DSC3: variants seen among roughly 807,000 people sequenced by gnomAD.
The protein encoded by DSC3 is desmocollin 3.
Under a neutral mutation model 89.5 loss-of-function variants are expected in DSC3, and 97 were observed. The ratio of observed to expected loss-of-function variants is 1.08; its 90% CI spans 0.92 to 1.28. The LOEUF is 1.28. Ranked by LOEUF, DSC3 falls within the 50% of genes most tolerant of loss-of-function variation. The pLI is 0.00. For synonymous variants in DSC3, 436 were observed against 384.1 expected (o/e 1.14, Z -1.58); for missense variants, 1,199 against 1,085.3 (o/e 1.10, Z -1.47).
Position 31,025,920 on chromosome 18 carries a change from A to C in DSC3, c.475-5T>G. The C allele has an allele frequency of 6.2e-7, 1 of 1,610,278 alleles. No homozygotes were observed. The highest frequency in any genetic ancestry group is 8.5e-7 in the Non-Finnish European group (1 of 1,178,318). ...CTGTGCTGCATCAGATTCAACCTAA[A>C]AGTAGAAAAAAAATATGCAAAAAAA... is the stretch of plus-strand genomic sequence containing the variant. On this transcript the variant is annotated splice_region_variant and splice_polypyrimidine_tract_variant and intron_variant, in intron 4 of 15. Transcript: ENST00000360428.
chr18:31,036,766 T>C (rs940174934), intron 1 of DSC3, among the ~76,000 whole-genome samples: 3 of 151,680 alleles, frequency 2.0e-5, no homozygotes, highest in African/African-American at 7.3e-5. Context: ...CACTTACTTA[T>C]GAATTATATT....
At chr18:31,024,533 C>G (rs754000724) in intron 5 of DSC3, 40 bp from the exon 6 acceptor site, 2 of 1,600,274 alleles carry the variant, frequency 1.2e-6, no homozygotes, top group African/African-American at 2.7e-5. Context: ...AATATCAGAT[C>G]CCGGCAAGAC....
intron 1 of DSC3, among the ~76,000 whole-genome samples, chr18:31,036,273 G>C (rs1270607347): frequency 6.6e-6 from 1 of 152,018 alleles, no homozygotes; most frequent in African/African-American, 2.4e-5. Context: ...CCTAATGGCT[G>C]TTTTAATTTG....
chr18:30,992,501 T>A lies in DSC3; in HGVS notation c.*1674A>T, dbSNP rs1984301422. ...TCCCTCACCGGACTCAAATGGCAGT[T>A]GCCATTGGCCTGAGAAAGGAAAAGG... is the stretch of plus-strand genomic sequence containing the variant. On this transcript the variant is annotated 3_prime_UTR_variant, in exon 16 of 16. Coordinates refer to ENST00000360428, the MANE Select transcript of DSC3 (RefSeq NM_001941.5). 1 of 152,228 alleles carries A rather than the reference T, an allele frequency of 6.6e-6. No individual in the cohort carries two copies. The highest frequency in any genetic ancestry group is 1.5e-5 in the Non-Finnish European group (1 of 68,044). 9.4% of individuals were successfully genotyped at this position (152,228 alleles called of 1,614,324 possible).
chr18:31,001,745 T>C lies in DSC3; in HGVS notation c.2114-6A>G, dbSNP rs1984671378. ...TACTAAAGTTAGCAATACAGCTGAA[T>C]TTAAAAATAAAAATAAAATAACTTA... On this transcript the variant is annotated splice_polypyrimidine_tract_variant and splice_region_variant and intron_variant, in intron 13 of 15. Coordinates refer to ENST00000360428, the MANE Select transcript of DSC3 (RefSeq NM_001941.5). 4 of 1,579,464 alleles carry C rather than the reference T, an allele frequency of 2.5e-6. No individual in the cohort carries two copies. The South Asian group carries it at 3.6e-5, about 14-fold the overall frequency.
chr18:31,017,096 G>GT (rs1985260723), intron 9 of DSC3, among the ~76,000 whole-genome samples: 1 of 151,938 alleles, frequency 6.6e-6, no homozygotes, highest in African/African-American at 2.4e-5. Flanking sequence ...AAGCATAATG[G>GT]GTTTTTTTAA....
chr18:31,036,024 A>T (rs879945369), intron 1 of DSC3, among the ~76,000 whole-genome samples: 2 of 152,094 alleles, frequency 1.3e-5, no homozygotes, highest in Non-Finnish European at 2.9e-5. Flanking sequence ...TCATTCTCCT[A>T]TTGATGGTTA....
At chr18:31,034,753 G>A (rs115137609) in intron 1 of DSC3, among the ~76,000 whole-genome samples, 2,017 of 152,176 alleles carry the variant, frequency 0.013, 55 homozygotes, top group African/African-American at 0.046. Context: ...GTACGATTTC[G>A]TTTACATAAA....
At chr18:31,042,525 C>T in intron 1 of DSC3, 67 bp downstream of exon 1, 1 of 1,470,112 alleles carries the variant, frequency 6.8e-7, no homozygotes, top group South Asian at 1.2e-5. Flanking sequence ...TCCCCAGCTC[C>T]GTGCAGCGTC....
intron 7 of DSC3, among the ~76,000 whole-genome samples, chr18:31,021,772 A>T (rs1301037993): frequency 2.0e-5 from 3 of 152,206 alleles, no homozygotes; most frequent in Non-Finnish European, 4.4e-5. Flanking sequence ...TATAGATAGG[A>T]TATAACACGT....
intron 15 of DSC3, chr18:30,994,645 C>T: frequency 1.8e-6 from 1 of 552,720 alleles, no homozygotes; most frequent in Non-Finnish European, 3.1e-6. Context: ...AAATGCTTAT[C>T]CCTAAATTTT....
At chr18:30,995,370 A>T (rs1046361589) in intron 15 of DSC3, among the ~76,000 whole-genome samples, 1 of 152,178 alleles carries the variant, frequency 6.6e-6, no homozygotes, top group Non-Finnish European at 1.5e-5. Context: ...AAGAATTAAC[A>T]CTTGAATTTG....
chr18:31,015,995 T>C (rs1033078727), intron 9 of DSC3, among the ~76,000 whole-genome samples: 3 of 152,146 alleles, frequency 2.0e-5, no homozygotes, highest in African/African-American at 7.2e-5. Flanking sequence ...TCAATGCTCA[T>C]TATATGCTAA....
At chr18:30,995,159 C>T (rs540356567) in intron 15 of DSC3, among the ~76,000 whole-genome samples, 1 of 152,176 alleles carries the variant, frequency 6.6e-6, no homozygotes, top group Non-Finnish European at 1.5e-5. Context: ...ACTGCCATGT[C>T]TCCTCCCTTT....
At chr18:30,998,644 T>G (rs1984554337) in intron 14 of DSC3, among the ~76,000 whole-genome samples, 1 of 151,994 alleles carries the variant, frequency 6.6e-6, no homozygotes, top group Non-Finnish European at 1.5e-5. Context: ...AATCACATTT[T>G]AAGGGGAGGG....
At chr18:31,009,718 A>C (rs1170722987) in intron 9 of DSC3, among the ~76,000 whole-genome samples, 1 of 152,214 alleles carries the variant, frequency 6.6e-6, no homozygotes, top group Non-Finnish European at 1.5e-5. Flanking sequence ...TGACATTATG[A>C]AGTAAGTATT....
chr18:31,008,661 C>T, intron 9 of DSC3, 136 bp from the exon 10 acceptor site: 1 of 1,168,706 alleles, frequency 8.6e-7, no homozygotes, highest in East Asian at 2.4e-5. Flanking sequence ...GACTTTTATC[C>T]CTTGCTAAAC....
intron 9 of DSC3, among the ~76,000 whole-genome samples, chr18:31,010,902 T>A (rs1019488948): frequency 6.6e-6 from 1 of 152,246 alleles, no homozygotes; most frequent in Non-Finnish European, 1.5e-5. Flanking sequence ...ATTATAACAC[T>A]AGTCTCAAGG....
intron 12 of DSC3, among the ~76,000 whole-genome samples, chr18:31,006,256 A>T (rs1052428130): frequency 3.3e-5 from 5 of 151,182 alleles, no homozygotes; most frequent in Admixed American, 2.6e-4. Flanking sequence ...AATACAATTT[A>T]AACTACACAT....
Sources: gnomAD v4.1 joint callset for allele counts (sites outside exome capture counted in the v4.1 genomes callset) on GRCh38, gnomAD v4.1.1 for gene constraint, MANE v1.5 for transcripts, NCBI Gene and HGNC (gene_info 2026-07-23, HGNC 2026-07-21) for gene names.